The following C2orf42 variants were observed in gnomAD, a reference collection of about 807,000 sequenced individuals.
C2orf42 encodes the protein chromosome 2 open reading frame 42.
In C2orf42, 44 loss-of-function variants were observed where a neutral mutation model predicts 58.9. The observed-to-expected ratio is 0.75, with a 90% confidence interval of 0.59 to 0.96. C2orf42 has a LOEUF of 0.96. C2orf42 is among the 40% of genes least tolerant of loss of function. The pLI is 0.00. For missense variants in C2orf42, 630 were observed against 699.2 expected (o/e 0.90, Z 1.12); for synonymous variants, 239 against 265.4 (o/e 0.90, Z 0.97).
chr2:70,150,049 G>T lies in C2orf42; in HGVS notation c.*307C>A. ...AGATTTCTCAGAGAATTAGCAAAAG[G>T]TTGAAATAAACGCTAAAGATGAGTC... On this transcript the variant is annotated 3_prime_UTR_variant, in exon 10 of 10. Transcript: ENST00000264434. 2.6e-6 allele frequency: 1 copy of T among 386,456 alleles called. No homozygotes were observed. The highest frequency in any genetic ancestry group is 4.8e-6 in the Non-Finnish European group (1 of 207,698). The allele number at this position is 386,456 out of a possible 1,614,324, so 23.9% of individuals were successfully genotyped here. A position where few individuals can be genotyped will look rare whatever the true frequency, so the allele number is the denominator to read the frequency against.
At chr2:70,157,445 TC>T (rs1158707098) in intron 9 of C2orf42, among the ~76,000 whole-genome samples, 1 of 138,164 alleles carries the variant, frequency 7.2e-6, no homozygotes, top group East Asian at 2.2e-4. Flanking sequence ...ACAGCGAGAC[TC>T]CCGTCTCAAA....
Position 70,160,796 on chromosome 2 carries a change from C to T in C2orf42, c.1354-9G>A. The T allele has an allele frequency of 1.3e-6, 2 of 1,549,802 alleles. No individual in the cohort carries two copies. Among genetic ancestry groups the T allele is most frequent in the Non-Finnish European group, 1.7e-6 (2 of 1,153,562 alleles). On this transcript the variant is annotated splice_polypyrimidine_tract_variant and intron_variant, in intron 8 of 9. Coordinates refer to ENST00000264434, the MANE Select transcript of C2orf42 (RefSeq NM_017880.3). ...GTGATTTCCAAGGGCATCTGGACACCAAGACAATACCAAAAAAAGGTGAGA... is the reference window on the plus strand; with the variant it reads ...GTGATTTCCAAGGGCATCTGGACACTAAGACAATACCAAAAAAAGGTGAGA...
chr2:70,165,012 C>A, intron 8 of C2orf42, 80 bp downstream of exon 8: 1 of 615,648 alleles, frequency 1.6e-6, no homozygotes. Context: ...ACTCAAGGAA[C>A]CAGTGCAAAT....
In C2orf42 at chr2:70,165,541, G is replaced by A. The variant is rs1294726436; in HGVS notation, c.1239C>T (p.Pro413=). The change falls in exon 7 of 10, where the codon CCC becomes CCT. Residue 413 remains proline (P), a synonymous_variant. Transcript: ENST00000264434. ...GAAATCCTGTACCTGTGGTGGAGTT[G>A]GGGAGCCGTTTTTTTGCACTTCCTA... ...ISIGSAKKRL[P]NSTTAFVRKD... 1 of 1,588,950 alleles carries A rather than the reference G, an allele frequency of 6.3e-7. No homozygotes were observed. The highest frequency in any genetic ancestry group is 8.6e-7 in the Non-Finnish European group (1 of 1,157,078).
intron 5 of C2orf42, among the ~76,000 whole-genome samples, chr2:70,173,823 G>A (rs1358370394): frequency 6.6e-6 from 1 of 150,826 alleles, no homozygotes; most frequent in Non-Finnish European, 1.5e-5. Context: ...TAGAGATGGA[G>A]TCTCACTACT....
chr2:70,155,017 G>A (rs559793540), intron 9 of C2orf42, among the ~76,000 whole-genome samples: 2 of 152,134 alleles, frequency 1.3e-5, no homozygotes, highest in Non-Finnish European at 2.9e-5. Flanking sequence ...AGGCCAAGGC[G>A]GGCAGATCAC....
chr2:70,161,330 G>A (rs1673037463), intron 8 of C2orf42, among the ~76,000 whole-genome samples: 1 of 152,168 alleles, frequency 6.6e-6, no homozygotes, highest in South Asian at 2.1e-4. Flanking sequence ...GTCAAATGAG[G>A]TGACGGAGGT....
At position 70,169,611 on chromosome 2, in the gene C2orf42, A is replaced by G; in HGVS notation, c.1090T>C (p.Trp364Arg). 19 of 1,612,040 alleles carry G rather than the reference A, an allele frequency of 1.2e-5. No homozygotes were observed. The highest frequency in any genetic ancestry group is 1.6e-5 in the Non-Finnish European group (19 of 1,178,182). ...EAQVTLSFQD[W>R]LASVTERIHQ... ...ATGCGTTCTGTGACACTGGCCAGCC[A>G]GTCTTGGAAGGATAAAGTCACTTGT... The change falls in exon 6 of 10, where the codon TGG becomes CGG. Residue 364 changes from tryptophan (W) to arginine (R), a missense_variant. Trp to Arg is a moderately radical substitution (Grantham distance 101). Transcript: ENST00000264434.
chr2:70,176,529 T>G (rs1337988242), intron 4 of C2orf42, among the ~76,000 whole-genome samples: 1 of 152,166 alleles, frequency 6.6e-6, no homozygotes, highest in Non-Finnish European at 1.5e-5. Context: ...ATTTGTTAAC[T>G]GAAATTCAAG....
intron 5 of C2orf42, among the ~76,000 whole-genome samples, chr2:70,175,243 T>C (rs991941141): frequency 7.2e-5 from 11 of 152,296 alleles, no homozygotes; most frequent in African/African-American, 2.6e-4. Flanking sequence ...ATTACAGGCA[T>C]GTGCCATCAC....
intron 8 of C2orf42, among the ~76,000 whole-genome samples, chr2:70,164,365 G>A (rs1436517249): frequency 6.6e-6 from 1 of 151,810 alleles, no homozygotes; most frequent in Non-Finnish European, 1.5e-5. Flanking sequence ...TCATTTCTCG[G>A]GCAGGCACAG....
At chr2:70,165,880 C>G (rs1187973415) in intron 6 of C2orf42, among the ~76,000 whole-genome samples, 3 of 151,972 alleles carry the variant, frequency 2.0e-5, no homozygotes, top group African/African-American at 7.2e-5. Context: ...AAGAAAGACC[C>G]AGTGTCTATA....
chr2:70,186,313 T>TATAC (rs1413206759), intron 1 of C2orf42, among the ~76,000 whole-genome samples: 2 of 151,100 alleles, frequency 1.3e-5, no homozygotes, highest in African/African-American at 4.9e-5. Flanking sequence ...TATGTATATA[T>TATAC]ACACACACAC....
chr2:70,151,206 A>G (rs1672290665), intron 9 of C2orf42, among the ~76,000 whole-genome samples: 1 of 152,218 alleles, frequency 6.6e-6, no homozygotes, highest in Non-Finnish European at 1.5e-5. Flanking sequence ...TAAATTAGCC[A>G]GGTGTGGTGA....
In C2orf42 at chr2:70,164,341, T is replaced by A. The variant is rs562687622; in HGVS notation, c.1353+751A>T. Among the ~76,000 whole-genome samples, 509 of 151,028 alleles carry A rather than the reference T, an allele frequency of 3.4e-3. 4 individuals are homozygous for A. The highest frequency in any genetic ancestry group is 6.8e-3 in the Middle Eastern group (2 of 294). On this transcript the variant is annotated intron_variant, in intron 8 of 9. Transcript: ENST00000264434. Reference sequence around the variant, plus strand: ...TCAAAAAAAAAAGACCAAAAAAAAATTTTTTTTAAAGGGTCATTTCTCGGG... The same window carrying A: ...TCAAAAAAAAAAGACCAAAAAAAAAATTTTTTTAAAGGGTCATTTCTCGGG...
chr2:70,154,685 G>A (rs753182666), intron 9 of C2orf42, among the ~76,000 whole-genome samples: 10 of 152,118 alleles, frequency 6.6e-5, no homozygotes, highest in Non-Finnish European at 1.0e-4. Context: ...ATAAAAGGTG[G>A]TAGAATCTTA....
At chr2:70,190,223 C>G (rs1675254967) in intron 1 of C2orf42, 1 of 152,208 alleles carries the variant, frequency 6.6e-6, no homozygotes, top group African/African-American at 2.4e-5. Context: ...AGCAAGTTTA[C>G]AAATCAGCCT....
chr2:70,162,156 A>C (rs1229991509), intron 8 of C2orf42, among the ~76,000 whole-genome samples: 1 of 150,898 alleles, frequency 6.6e-6, no homozygotes, highest in Admixed American at 6.6e-5. Context: ...GGATTACAGG[A>C]GCAAGCCACC....
intron 9 of C2orf42, among the ~76,000 whole-genome samples, chr2:70,152,563 G>A (rs192592817): frequency 8.5e-5 from 13 of 152,250 alleles, no homozygotes; most frequent in Admixed American, 8.5e-4. Flanking sequence ...CATGGAAAAA[G>A]GCAGGAAAAT....
Sources: allele counts gnomAD v4.1 joint callset (sites outside exome capture counted in the v4.1 genomes callset), GRCh38; gene constraint gnomAD v4.1.1; transcripts MANE v1.5; gene names NCBI Gene and HGNC (gene_info 2026-07-23, HGNC 2026-07-21).